Variants in FOXN3 observed in about 807,000 individuals in gnomAD.
FOXN3 encodes forkhead box N3.
FOXN3 carries 7 observed loss-of-function variants against 38.4 expected under a neutral mutation model. That is an observed-to-expected ratio of 0.18 (90% confidence interval 0.10 to 0.34). FOXN3 has a LOEUF of 0.34. FOXN3 is among the 10% of genes least tolerant of loss of function. The pLI is 1.00. For missense variants in FOXN3, 456 were observed against 613.4 expected, an observed-to-expected ratio of 0.74 and a Z score of 2.71; for synonymous variants, 230 against 242.2, an observed-to-expected ratio of 0.95 and a Z score of 0.47.
intron 5 of FOXN3, among the ~76,000 whole-genome samples, chr14:89,169,260 G>A (rs1237769094): frequency 6.6e-6 from 1 of 152,158 alleles, no homozygotes; most frequent in East Asian, 1.9e-4. Flanking sequence ...CAGCAACATG[G>A]TAAAACCCCA....
chr14:89,587,867 G>GAAAAAAAAAAAAAAAAAAAAAAAAAA (rs11366681), intron 1 of FOXN3, among the ~76,000 whole-genome samples: 1 of 64,638 alleles, frequency 1.5e-5, no homozygotes, highest in Non-Finnish European at 3.0e-5. Context: ...CTCTGTCTCA[G>GAAAAAAAAAAAAAAAAAAAAAAAAAA]AAAAAAAAAA....
At chr14:89,323,053 C>CA (rs1887938527) in intron 3 of FOXN3, among the ~76,000 whole-genome samples, 1 of 151,844 alleles carries the variant, frequency 6.6e-6, no homozygotes, top group Non-Finnish European at 1.5e-5. Flanking sequence ...CTTTGGGAGG[C>CA]CAAGTTGGGC....
chr14:89,367,554 G>A (rs577148702), intron 2 of FOXN3, among the ~76,000 whole-genome samples: 21 of 152,298 alleles, frequency 1.4e-4, no homozygotes, highest in Non-Finnish European at 2.9e-4. Flanking sequence ...GGACAGGGGT[G>A]CCAGGGAAAA....
At chr14:89,455,929 C>T (rs1170254519) in intron 1 of FOXN3, among the ~76,000 whole-genome samples, 1 of 152,224 alleles carries the variant, frequency 6.6e-6, no homozygotes, top group Non-Finnish European at 1.5e-5. Flanking sequence ...GGCGCGGTGG[C>T]TCATGCCTGT....
intron 1 of FOXN3, among the ~76,000 whole-genome samples, chr14:89,609,601 G>C (rs1258515005): frequency 6.6e-6 from 1 of 152,010 alleles, no homozygotes; most frequent in African/African-American, 2.4e-5. Context: ...TATTTCCATA[G>C]TACTTATGGA....
intron 1 of FOXN3, among the ~76,000 whole-genome samples, chr14:89,415,882 A>ACACACACACACACACACACC: frequency 7.4e-6 from 1 of 135,000 alleles, no homozygotes; most frequent in African/African-American, 2.6e-5. Flanking sequence ...ACACACACAC[A>ACACACACACACACACACACC]CCCTCTTTTG....
rs1894934559 is a variant in FOXN3 at position 89,548,662 on chromosome 14, ACTTTT to A, written c.-15+70361_-15+70365del. Reference sequence around the variant, plus strand: ...GTAAGTTATTACCATAATAATGATGACTTTTCTTTTCAATTTATATATATGTATGT... The same window carrying A: ...GTAAGTTATTACCATAATAATGATGACTTTTCAATTTATATATATGTATGT... On this transcript the variant is annotated intron_variant, in intron 1 of 6. Transcript: ENST00000345097. This position sits in a 1 kb window ranked among gnomAD's most constrained non-coding sequence, Gnocchi z 4.8. Among the ~76,000 whole-genome samples, 1 of 152,146 alleles carries A rather than the reference ACTTTT, an allele frequency of 6.6e-6. No homozygotes were observed. Among genetic ancestry groups the A allele is most frequent in the South Asian group, 2.1e-4 (1 of 4,834 alleles).
At chr14:89,524,346 G>A (rs919768791) in intron 1 of FOXN3, among the ~76,000 whole-genome samples, 2 of 105,912 alleles carry the variant, frequency 1.9e-5, no homozygotes, top group African/African-American at 7.2e-5. Context: ...CTGCACTCCA[G>A]CCTGGCGACA....
chr14:89,239,913 G>A (rs567752542), intron 4 of FOXN3, among the ~76,000 whole-genome samples: 3 of 152,204 alleles, frequency 2.0e-5, no homozygotes, highest in Admixed American at 6.5e-5. Flanking sequence ...CTGGAGCCAA[G>A]AGGGTCTGCA....
At chr14:89,534,010 T>A (rs532868032) in intron 1 of FOXN3, among the ~76,000 whole-genome samples, 2 of 152,022 alleles carry the variant, frequency 1.3e-5, no homozygotes, top group Non-Finnish European at 2.9e-5. Context: ...ACCTTGTTAA[T>A]CATCCCCTTC....
intron 3 of FOXN3, among the ~76,000 whole-genome samples, chr14:89,302,446 C>G (rs1343908914): frequency 6.6e-6 from 1 of 152,148 alleles, no homozygotes; most frequent in Non-Finnish European, 1.5e-5. Flanking sequence ...TTGTTTTGTT[C>G]TGTGCTTCCC....
intron 1 of FOXN3, among the ~76,000 whole-genome samples, chr14:89,461,060 G>A (rs1462655321): frequency 3.3e-5 from 5 of 149,932 alleles, no homozygotes; most frequent in African/African-American, 9.9e-5. Flanking sequence ...GGGGCTGGGC[G>A]CAGTGGCTCA....
chr14:89,227,525 C>G (rs1025966199), intron 4 of FOXN3, among the ~76,000 whole-genome samples: 1 of 152,078 alleles, frequency 6.6e-6, no homozygotes. Context: ...TGAAATGTGG[C>G]GGGTCAGTCA....
At chr14:89,549,448 C>T (rs541627993) in intron 1 of FOXN3, among the ~76,000 whole-genome samples, 6 of 152,100 alleles carry the variant, frequency 3.9e-5, no homozygotes, top group Non-Finnish European at 7.3e-5. Flanking sequence ...CAACGACATT[C>T]GAAAACATCC....
At chr14:89,168,363 G>A (rs533542021) in intron 5 of FOXN3, among the ~76,000 whole-genome samples, 5 of 152,296 alleles carry the variant, frequency 3.3e-5, no homozygotes, top group Non-Finnish European at 4.4e-5. Context: ...GCAAAGTGTG[G>A]TGGCTCACAC....
intron 1 of FOXN3, among the ~76,000 whole-genome samples, chr14:89,505,379 T>C (rs1054889654): frequency 6.6e-6 from 1 of 150,484 alleles, no homozygotes; most frequent in African/African-American, 2.5e-5. Flanking sequence ...TCCCTGCCTG[T>C]TTCTCCTGCC....
intron 1 of FOXN3, among the ~76,000 whole-genome samples, chr14:89,465,502 G>A (rs895554237): frequency 8.5e-5 from 13 of 152,184 alleles, no homozygotes; most frequent in East Asian, 1.9e-4. Context: ...GATTACAGGC[G>A]TGAGCCACCG....
chr14:89,514,661 C>T (rs1272652804), intron 1 of FOXN3, among the ~76,000 whole-genome samples: 1 of 152,230 alleles, frequency 6.6e-6, no homozygotes, highest in Non-Finnish European at 1.5e-5. Flanking sequence ...TTCCACTACT[C>T]ACACTGCCTA....
intron 4 of FOXN3, among the ~76,000 whole-genome samples, chr14:89,260,853 T>A (rs996441776): frequency 2.0e-5 from 3 of 152,260 alleles, no homozygotes; most frequent in Admixed American, 6.5e-5. Flanking sequence ...ATTTAATTAG[T>A]TTTGTTCTTT....
Sources: allele counts gnomAD v4.1 joint callset (sites outside exome capture counted in the v4.1 genomes callset), GRCh38; gene constraint gnomAD v4.1.1; non-coding constraint Gnocchi (gnomAD v3.1); transcripts MANE v1.5; gene names NCBI Gene and HGNC (gene_info 2026-07-23, HGNC 2026-07-21).